GNPTAB: variants seen among roughly 807,000 people sequenced by gnomAD.
GNPTAB encodes the protein N-acetylglucosamine-1-phosphate transferase subunits alpha and beta, also known as N-acetylglucosamine-1-phosphotransferase subunits alpha/beta.
A neutral mutation model predicts 136.6 loss-of-function variants in GNPTAB; 92 were observed. The observed-to-expected ratio is 0.67, with a 90% CI of 0.57 to 0.80. GNPTAB has a LOEUF of 0.80. Ranked by LOEUF, GNPTAB falls within the 30% of genes least tolerant of loss-of-function variation. The pLI, the probability that GNPTAB is intolerant of heterozygous loss-of-function variation, is 0.00. For missense variants in GNPTAB, 1,343 were observed against 1,501.8 expected (o/e 0.89, Z 1.75); for synonymous variants, 512 against 535.1 (o/e 0.96, Z 0.60).
intron 7 of GNPTAB, among the ~76,000 whole-genome samples, chr12:101,777,634 T>C (rs1031644591): frequency 6.6e-6 from 1 of 152,232 alleles, no homozygotes; most frequent in Non-Finnish European, 1.5e-5. Flanking sequence ...AAAGCCCAGA[T>C]GTTCTCATGG....
Position 101,770,477 on chromosome 12 carries a change from T to C in GNPTAB, c.1042A>G (p.Ile348Val), listed in dbSNP as rs7958709. Residue 348 changes from isoleucine (I) to valine (V), a missense_variant, in exon 9 of 21, where the codon ATT becomes GTT. Physicochemically the swap from Ile to Val is conservative, Grantham distance 29. Coordinates refer to ENST00000299314, the MANE Select transcript of GNPTAB (RefSeq NM_024312.5). ...GATGGAATCTGCCCGTTGGTGACAA[T>C]GAAAATATTCCGAACCCATGGTGCA... is the stretch of plus-strand genomic sequence containing the variant. ...RHAPWVRNIF[I>V]VTNGQIPSWL... 1 of 1,613,906 alleles carries C rather than the reference T, an allele frequency of 6.2e-7. No individual in the cohort carries two copies. Among genetic ancestry groups the C allele is most frequent in the Non-Finnish European group, 8.5e-7 (1 of 1,179,760 alleles).
Position 101,830,670 on chromosome 12 carries a change from C to T in GNPTAB, c.6G>A (p.Leu2=), listed in dbSNP as rs755520570. The change falls in exon 1 of 21, where the codon CTG becomes CTA. Residue 2 remains leucine, a synonymous_variant. Coordinates refer to ENST00000299314, the MANE Select transcript of GNPTAB (RefSeq NM_024312.5). M[L]FKLLQRQTYT... ...AGGTCTGTCTCTGCAGGAGCTTGAA[C>T]AGCATCACCCCTTCACCGCCACGCC... The T allele has an allele frequency of 5.7e-6, 9 of 1,576,616 alleles. No individual in the cohort carries two copies. The highest frequency in any genetic ancestry group is 7.8e-6 in the Non-Finnish European group (9 of 1,147,680).
At chr12:101,769,940 A>C in intron 10 of GNPTAB, 81 bp downstream of exon 10, 3 of 1,314,294 alleles carry the variant, frequency 2.3e-6, no homozygotes, top group Non-Finnish European at 3.3e-6. Flanking sequence ...CTGATATTTG[A>C]CTACAGTAGT....
chr12:101,822,305 C>T (rs557457115), intron 1 of GNPTAB, among the ~76,000 whole-genome samples: 101 of 152,156 alleles, frequency 6.6e-4, no homozygotes, highest in Non-Finnish European at 1.0e-3. Flanking sequence ...CCCAGCTACT[C>T]GGGAGGCTGA....
intron 1 of GNPTAB, among the ~76,000 whole-genome samples, chr12:101,823,609 C>A (rs1246454368): frequency 3.3e-3 from 299 of 91,268 alleles, no homozygotes; most frequent in East Asian, 6.6e-3. Context: ...GACTCCGTCT[C>A]AAAAAAAAAA....
chr12:101,781,467 A>G (rs1249808812), intron 5 of GNPTAB, among the ~76,000 whole-genome samples: 1 of 152,140 alleles, frequency 6.6e-6, no homozygotes, highest in Non-Finnish European at 1.5e-5. Flanking sequence ...GAAGTTCTAT[A>G]TCAGCCTGGG....
At chr12:101,809,138 T>C (rs935818810) in intron 1 of GNPTAB, among the ~76,000 whole-genome samples, 7 of 152,160 alleles carry the variant, frequency 4.6e-5, no homozygotes, top group East Asian at 1.9e-4. Flanking sequence ...AATCTGAAGA[T>C]ACCCAACCAA....
intron 1 of GNPTAB, among the ~76,000 whole-genome samples, chr12:101,827,043 G>C (rs1871123436): frequency 6.7e-6 from 1 of 149,278 alleles, no homozygotes; most frequent in Non-Finnish European, 1.5e-5. Flanking sequence ...AAACTCCTGG[G>C]CTCAAGCAAC....
intron 17 of GNPTAB, 41 bp downstream of exon 17, chr12:101,757,531 A>G: frequency 1.0e-6 from 1 of 978,238 alleles, no homozygotes; most frequent in Non-Finnish European, 1.7e-6. Flanking sequence ...CTTTGTGATT[A>G]CTCTTATACT....
At chr12:101,797,365 C>G (rs1190326779) in intron 1 of GNPTAB, among the ~76,000 whole-genome samples, 1 of 152,090 alleles carries the variant, frequency 6.6e-6, no homozygotes, top group Non-Finnish European at 1.5e-5. Context: ...TGGCTCACGC[C>G]TGTAATCCTA....
chr12:101,794,388 C>A (rs1184613227), intron 2 of GNPTAB, among the ~76,000 whole-genome samples: 1 of 152,014 alleles, frequency 6.6e-6, no homozygotes, highest in Admixed American at 6.6e-5. Flanking sequence ...GTGGCTCACA[C>A]CTGTAATCTT....
intron 1 of GNPTAB, among the ~76,000 whole-genome samples, chr12:101,801,801 G>A (rs1869653618): frequency 6.6e-6 from 1 of 152,000 alleles, no homozygotes; most frequent in Admixed American, 6.6e-5. Context: ...CCAGCACTTT[G>A]CAAGGCCAAG....
intron 7 of GNPTAB, chr12:101,779,818 A>G (rs544152): frequency 8.7e-6 from 3 of 346,014 alleles, no homozygotes; most frequent in Non-Finnish European, 5.5e-6. Context: ...GAGCTCGTCT[A>G]CGGCCATACC....
At chr12:101,760,719 C>T (rs1252009139) in intron 15 of GNPTAB, among the ~76,000 whole-genome samples, 1 of 151,840 alleles carries the variant, frequency 6.6e-6, no homozygotes, top group Non-Finnish European at 1.5e-5. Context: ...ATTATTTTTA[C>T]TTGCAATAAA....
At chr12:101,750,947 A>C (rs1312499636) in intron 19 of GNPTAB, among the ~76,000 whole-genome samples, 1 of 152,062 alleles carries the variant, frequency 6.6e-6, no homozygotes, top group African/African-American at 2.4e-5. Flanking sequence ...AGGACTAGTG[A>C]AATGCTTATA....
chr12:101,753,485 T>A lies in GNPTAB; in HGVS notation c.3489A>T (p.Thr1163=). Residue 1163 remains threonine (T), a synonymous_variant, in exon 19 of 21, where the codon ACA becomes ACT. Coordinates refer to ENST00000299314, the MANE Select transcript of GNPTAB (RefSeq NM_024312.5). ...NIDHNHKDAQ[T]VKAVLRDFYE... ...AGAAGTCCCTGAGAACAGCCTTCAC[T>A]GTCTGAGCATCTTTATGATTGTGGT... The A allele has an allele frequency of 6.2e-7, 1 of 1,613,900 alleles. No individual in the cohort carries two copies. The highest frequency in any genetic ancestry group is 2.2e-5 in the East Asian group (1 of 44,874).
chr12:101,753,061 T>G (rs1025666078), intron 19 of GNPTAB, among the ~76,000 whole-genome samples: 8 of 152,102 alleles, frequency 5.3e-5, no homozygotes, highest in Non-Finnish European at 8.8e-5. Context: ...TAGACCAGCC[T>G]GGCTAACATG....
chr12:101,789,853 A>C, intron 3 of GNPTAB, 85 bp downstream of exon 3: 1 of 1,292,196 alleles, frequency 7.7e-7, no homozygotes, highest in Non-Finnish European at 1.1e-6. Flanking sequence ...CTGGGTTTTC[A>C]TGCTCATATG....
intron 7 of GNPTAB, among the ~76,000 whole-genome samples, chr12:101,774,654 G>T (rs1953233742): frequency 6.6e-6 from 1 of 152,136 alleles, no homozygotes; most frequent in African/African-American, 2.4e-5. Flanking sequence ...TTCTATAAAT[G>T]ATTATCAAGG....
Sources: gnomAD v4.1 joint callset for allele counts (sites outside exome capture counted in the v4.1 genomes callset) on GRCh38, gnomAD v4.1.1 for gene constraint, MANE v1.5 for transcripts, NCBI Gene and HGNC (gene_info 2026-07-23, HGNC 2026-07-21) for gene names.